Variants in DOCK9 observed in about 807,000 individuals in gnomAD.
The protein encoded by DOCK9 is dedicator of cytokinesis protein 9.
Under a neutral mutation model 263.3 loss-of-function variants are expected in DOCK9, and 89 were observed. The ratio of observed to expected loss-of-function variants is 0.34; its 90% CI spans 0.28 to 0.40. The LOEUF (loss-of-function observed/expected upper bound fraction) is 0.40. DOCK9 is among the 10% of genes least tolerant of loss of function. The pLI is 1.00. For synonymous variants in DOCK9, 976 were observed against 973.1 expected (o/e 1.00, Z -0.06); for missense variants, 2,140 against 2,603.4 (o/e 0.82, Z 3.87).
chr13:98,976,165 C>G (rs1445448897), intron 1 of DOCK9, among the ~76,000 whole-genome samples: 1 of 152,242 alleles, frequency 6.6e-6, no homozygotes, highest in Non-Finnish European at 1.5e-5. Flanking sequence ...CCTCACCCCT[C>G]TCTGCAGGTG....
upstream of DOCK9, among the ~76,000 whole-genome samples, chr13:98,980,858 C>G (rs528362410): frequency 6.6e-6 from 1 of 152,230 alleles, no homozygotes; most frequent in South Asian, 2.1e-4. Context: ...TGTCATGAGC[C>G]AGGCCTTCTT....
chr13:98,955,006 C>G (rs562696970), intron 2 of DOCK9, among the ~76,000 whole-genome samples: 115 of 152,222 alleles, frequency 7.6e-4, no homozygotes, highest in African/African-American at 2.6e-3. Flanking sequence ...TAAATAACAT[C>G]TTATTTTCAT....
upstream of DOCK9, among the ~76,000 whole-genome samples, chr13:99,087,353 C>A (rs897719992): frequency 6.6e-6 from 1 of 152,230 alleles, no homozygotes; most frequent in African/African-American, 2.4e-5. Flanking sequence ...TACTTCGGAG[C>A]CTCGGTTATG....
At chr13:99,082,557 AAATAAAT>A (rs1375924524) in intron 1 of DOCK9, among the ~76,000 whole-genome samples, 4 of 35,034 alleles carry the variant, frequency 1.1e-4, no homozygotes, top group Non-Finnish European at 2.5e-4. Context: ...ATAAATAAAT[AAATAAAT>A]AAAAAAAAAC....
intron 1 of DOCK9, among the ~76,000 whole-genome samples, chr13:99,069,295 T>C (rs562175671): frequency 1.1e-4 from 17 of 152,364 alleles, no homozygotes; most frequent in African/African-American, 4.1e-4. Flanking sequence ...AGTTTTGCTT[T>C]TTATTTCTTT....
chr13:99,053,175 T>C (rs1421624830), intron 1 of DOCK9, among the ~76,000 whole-genome samples: 1 of 152,232 alleles, frequency 6.6e-6, no homozygotes, highest in Non-Finnish European at 1.5e-5. Flanking sequence ...ACATCCCTAC[T>C]GTCCTTTTCT....
intron 45 of DOCK9, among the ~76,000 whole-genome samples, chr13:98,814,941 A>G (rs1367693189): frequency 2.6e-3 from 11 of 4,254 alleles, no homozygotes; most frequent in Non-Finnish European, 0.01. Context: ...GTCTCAAAAT[A>G]AAATAAAATA....
In DOCK9 at chr13:98,800,379, T is replaced by G. The variant is rs1415138694; in HGVS notation, c.5825A>C (p.Lys1942Thr). ...PIEVAIDEMS[K>T]KVAELRQLCS... ...CAGCTGCCGGAGCTCCGCCACCTTC[T>G]TACTCATCTCGTCAATGGCCACCTC... The change falls in exon 50 of 53, where the codon AAG (lysine) becomes ACG (threonine). Residue 1942 changes from lysine (K) to threonine (T), a missense_variant. Physicochemically the swap from Lys to Thr is moderately conservative, Grantham distance 78. Transcript: ENST00000682017. 6.2e-7 allele frequency: 1 copy of G among 1,613,922 alleles called. No individual in the cohort carries two copies. The highest frequency in any genetic ancestry group is 1.7e-5 in the Admixed American group (1 of 60,014).
chr13:98,877,674 C>T (rs2044087144), intron 27 of DOCK9, among the ~76,000 whole-genome samples: 1 of 152,168 alleles, frequency 6.6e-6, no homozygotes, highest in South Asian at 2.1e-4. Flanking sequence ...CTACTGAGCA[C>T]TTTGTTCCTA....
intron 1 of DOCK9, among the ~76,000 whole-genome samples, chr13:99,073,409 T>C (rs1260204461): frequency 9.0e-6 from 1 of 111,694 alleles, no homozygotes; most frequent in Non-Finnish European, 2.0e-5. Flanking sequence ...TCTTTCATGC[T>C]TCCTCCCTTA....
At chr13:98,810,434 T>TAA in intron 45 of DOCK9, 143 bp from the exon 46 acceptor site, 2 of 1,044,920 alleles carry the variant, frequency 1.9e-6, no homozygotes, top group Non-Finnish European at 2.7e-6. Context: ...CTTCCACACT[T>TAA]ACAACAACAT....
At chr13:98,922,940 A>G (rs2052305500) in intron 5 of DOCK9, among the ~76,000 whole-genome samples, 1 of 152,242 alleles carries the variant, frequency 6.6e-6, no homozygotes, top group South Asian at 2.1e-4. Flanking sequence ...TTGAAGAAAT[A>G]GCCATTTAAA....
rs745844258 is a variant in DOCK9 at position 98,829,681 on chromosome 13, T to TGGG, written c.4710_4711insCCC (p.Ser1570_Ile1571insPro). On this transcript the variant is annotated inframe_insertion, in exon 42 of 53. Coordinates refer to ENST00000682017, the MANE Select transcript of DOCK9 (RefSeq NM_001366683.2). This position sits in a 1 kb window ranked among gnomAD's most constrained non-coding sequence, Gnocchi z 4.1. ...TCACTGTTGGCACAGTTGTTGATGA[T>TGGG]GGACAGGGACTGCTGGAATCTGGTT... 6.2e-7 allele frequency: 1 copy of TGGG among 1,609,822 alleles called. No individual in the cohort carries two copies. Among genetic ancestry groups the TGGG allele is most frequent in the South Asian group, 1.1e-5 (1 of 89,696 alleles).
At chr13:98,947,898 T>G (rs1374030753) in intron 2 of DOCK9, among the ~76,000 whole-genome samples, 2 of 152,222 alleles carry the variant, frequency 1.3e-5, no homozygotes, top group African/African-American at 4.8e-5. Flanking sequence ...AAAGTTACAC[T>G]GTTGGCCACT....
At chr13:99,023,108 T>C (rs1886308705) in intron 1 of DOCK9, among the ~76,000 whole-genome samples, 1 of 152,220 alleles carries the variant, frequency 6.6e-6, no homozygotes, top group East Asian at 1.9e-4. Context: ...ATTTCACCTC[T>C]GGGAATAGAC....
Position 98,825,856 on chromosome 13 carries a change from T to C in DOCK9, c.5023+974A>G, listed in dbSNP as rs2092509625. ...GGCAGGGGGTCCCCGGGGGCTGGGCTGATCCTCAGGCTCACCTCCCCGGCT... is the reference window on the plus strand; with the variant it reads ...GGCAGGGGGTCCCCGGGGGCTGGGCCGATCCTCAGGCTCACCTCCCCGGCT... On this transcript the variant is annotated intron_variant, in intron 44 of 52. Transcript: ENST00000682017. The surrounding 1 kb of genome is among the most constrained non-coding windows in gnomAD (Gnocchi z 4.1). The C allele has an allele frequency of 1.3e-6, 2 of 1,508,742 alleles. No individual in the cohort carries two copies. Among genetic ancestry groups the C allele is most frequent in the Non-Finnish European group, 1.8e-6 (2 of 1,124,780 alleles). 93.5% of individuals were successfully genotyped at this position (1,508,742 alleles called of 1,614,324 possible). A position where few individuals can be genotyped will look rare whatever the true frequency, so the allele number is the denominator to read the frequency against.
chr13:98,828,311 G>A (rs1020175424), intron 43 of DOCK9, among the ~76,000 whole-genome samples: 6 of 152,234 alleles, frequency 3.9e-5, no homozygotes, highest in Non-Finnish European at 5.9e-5. Context: ...CAGAGGAACA[G>A]CTGAAGCTTA....
At chr13:98,994,518 G>A (rs1299905433) in intron 1 of DOCK9, among the ~76,000 whole-genome samples, 1 of 152,146 alleles carries the variant, frequency 6.6e-6, no homozygotes, top group African/African-American at 2.4e-5. Context: ...AATCCTACCG[G>A]GAGAATTACT....
chr13:99,004,226 A>G (rs893610800), intron 1 of DOCK9, among the ~76,000 whole-genome samples: 1 of 152,178 alleles, frequency 6.6e-6, no homozygotes, highest in Non-Finnish European at 1.5e-5. Context: ...GAGAGCAGAG[A>G]TTATGACTCT....
Sources: gnomAD v4.1 joint callset for allele counts (sites outside exome capture counted in the v4.1 genomes callset) on GRCh38, gnomAD v4.1.1 for gene constraint, Gnocchi (gnomAD v3.1) non-coding constraint, MANE v1.5 for transcripts, NCBI Gene and HGNC (gene_info 2026-07-23, HGNC 2026-07-21) for gene names.